Variants in GRM8 observed in about 807,000 individuals in gnomAD.
The protein encoded by GRM8 is metabotropic glutamate receptor 8.
A neutral mutation model predicts 87.2 loss-of-function variants in GRM8; 47 were observed. That is an observed-to-expected ratio of 0.54 (90% CI 0.43 to 0.69). The LOEUF (loss-of-function observed/expected upper bound fraction) is 0.69, where lower values mean the gene tolerates loss of function less well. Ranked by LOEUF, GRM8 falls within the 30% of genes least tolerant of loss-of-function variation. The pLI is 0.00. For synonymous variants in GRM8, 396 were observed against 404.5 expected, an observed-to-expected ratio of 0.98 and a Z score of 0.25; for missense variants, 1,019 against 1,139.2, an observed-to-expected ratio of 0.89 and a Z score of 1.52.
At chr7:126,466,365 T>C (rs1225074469) in intron 9 of GRM8, among the ~76,000 whole-genome samples, 1 of 151,968 alleles carries the variant, frequency 6.6e-6, no homozygotes, top group Non-Finnish European at 1.5e-5. Flanking sequence ...CTGTTGATAT[T>C]CTAGGAATAT....
chr7:127,191,198 C>T (rs1563568911), intron 2 of GRM8, among the ~76,000 whole-genome samples: 1 of 152,170 alleles, frequency 6.6e-6, no homozygotes, highest in Non-Finnish European at 1.5e-5. Flanking sequence ...AACTCCTTTA[C>T]ATCAGGGCCA....
chr7:126,846,041 A>T (rs1397745628), intron 6 of GRM8, among the ~76,000 whole-genome samples: 1 of 151,982 alleles, frequency 6.6e-6, no homozygotes, highest in Admixed American at 6.6e-5. Flanking sequence ...TAAAATATAT[A>T]TAATAGTATA....
At chr7:127,129,637 G>A (rs1827564843) in intron 2 of GRM8, among the ~76,000 whole-genome samples, 1 of 152,084 alleles carries the variant, frequency 6.6e-6, no homozygotes, top group African/African-American at 2.4e-5. Flanking sequence ...TTAATTCCCA[G>A]ACCATGGAAA....
At chr7:126,774,631 T>C (rs1397782294) in intron 6 of GRM8, among the ~76,000 whole-genome samples, 1 of 152,136 alleles carries the variant, frequency 6.6e-6, no homozygotes, top group African/African-American at 2.4e-5. Flanking sequence ...TGGAAAATAA[T>C]AAATTCTTAC....
At chr7:127,102,844 G>A (rs1163621838) in intron 3 of GRM8, among the ~76,000 whole-genome samples, 1 of 152,164 alleles carries the variant, frequency 6.6e-6, no homozygotes, top group Non-Finnish European at 1.5e-5. Context: ...AAATGGAGCT[G>A]TTAGAAAGAG....
At chr7:127,097,503 CA>C (rs941447862) in intron 3 of GRM8, among the ~76,000 whole-genome samples, 16 of 152,118 alleles carry the variant, frequency 1.1e-4, no homozygotes, top group African/African-American at 3.6e-4. Flanking sequence ...ACAAATCAAG[CA>C]AAAACCCTCT....
intron 2 of GRM8, among the ~76,000 whole-genome samples, chr7:127,153,056 AT>A (rs1459920811): frequency 3.3e-5 from 5 of 152,164 alleles, no homozygotes; most frequent in Admixed American, 6.6e-5. Context: ...TCACAAGACC[AT>A]AACCCAATTA....
intron 2 of GRM8, among the ~76,000 whole-genome samples, chr7:127,158,023 A>G (rs192405340): frequency 7.2e-5 from 11 of 152,298 alleles, no homozygotes; most frequent in Non-Finnish European, 1.6e-4. Context: ...AGTACCTAAG[A>G]TCTAATTAAA....
chr7:127,092,273 C>A (rs189520802), intron 3 of GRM8, among the ~76,000 whole-genome samples: 1 of 152,052 alleles, frequency 6.6e-6, no homozygotes, highest in Admixed American at 6.6e-5. Flanking sequence ...TGAATAAAAT[C>A]CCTCCTTATC....
At chr7:126,552,803 T>C (rs1451123566) in intron 8 of GRM8, among the ~76,000 whole-genome samples, 1 of 152,142 alleles carries the variant, frequency 6.6e-6, no homozygotes, top group Non-Finnish European at 1.5e-5. Flanking sequence ...TCATTCTACA[T>C]AACTTGAAAG....
chr7:126,672,195 G>C (rs1806455116), intron 7 of GRM8, among the ~76,000 whole-genome samples: 1 of 152,222 alleles, frequency 6.6e-6, no homozygotes, highest in African/African-American at 2.4e-5. Flanking sequence ...GTGAGAGTGG[G>C]TAATTCCTAT....
rs1045574543 is a variant in GRM8 at position 126,999,863 on chromosome 7, G to A, written c.728-95180C>T. On this transcript the variant is annotated intron_variant, in intron 3 of 10. Transcript: ENST00000339582. ...AAAACTGAAAATAGAGTGACTATGCGATCTAGAAATCCCACCCCTGGGTAT... is the reference window on the plus strand; with the variant it reads ...AAAACTGAAAATAGAGTGACTATGCAATCTAGAAATCCCACCCCTGGGTAT... Among the ~76,000 whole-genome samples the A allele has an allele frequency of 4.0e-5, 6 of 151,746 alleles. No individual in the cohort carries two copies. The East Asian group carries it at 5.8e-4, about 15-fold the overall frequency.
intron 6 of GRM8, among the ~76,000 whole-genome samples, chr7:126,831,414 C>A (rs1200639227): frequency 1.3e-5 from 2 of 152,200 alleles, no homozygotes; most frequent in Non-Finnish European, 2.9e-5. Flanking sequence ...ATGGCGGGCG[C>A]CCCTCCCCCA....
chr7:126,580,207 C>G (rs530339485), intron 8 of GRM8, among the ~76,000 whole-genome samples: 9 of 152,254 alleles, frequency 5.9e-5, no homozygotes, highest in Admixed American at 3.3e-4. Context: ...AGAGTAGTGA[C>G]TGATAATAGT....
intron 7 of GRM8, among the ~76,000 whole-genome samples, chr7:126,687,016 T>C (rs570545790): frequency 6.6e-6 from 1 of 152,332 alleles, no homozygotes; most frequent in East Asian, 1.9e-4. Flanking sequence ...GCTTTTAAAA[T>C]ATAAAATACA....
At chr7:126,989,471 C>G (rs1812420689) in intron 3 of GRM8, among the ~76,000 whole-genome samples, 1 of 152,320 alleles carries the variant, frequency 6.6e-6, no homozygotes, top group Non-Finnish European at 1.5e-5. Flanking sequence ...ATCTGCACCT[C>G]TAATCACAGT....
At chr7:126,653,653 T>C (rs368269682) in intron 7 of GRM8, among the ~76,000 whole-genome samples, 1 of 152,188 alleles carries the variant, frequency 6.6e-6, no homozygotes, top group African/African-American at 2.4e-5. Context: ...TTCTGTTACA[T>C]ATGGAAACTT....
chr7:126,574,078 T>C (rs982951309), intron 8 of GRM8, among the ~76,000 whole-genome samples: 1 of 152,140 alleles, frequency 6.6e-6, no homozygotes, highest in Non-Finnish European at 1.5e-5. Context: ...TCTTCTAAAA[T>C]AAAAACTTCA....
intron 3 of GRM8, among the ~76,000 whole-genome samples, chr7:127,009,963 C>T (rs1452673885): frequency 6.6e-6 from 1 of 152,064 alleles, no homozygotes; most frequent in Non-Finnish European, 1.5e-5. Context: ...CTGCCTCAGC[C>T]TCCCAAGTAG....
Sources: gnomAD v4.1 joint callset for allele counts (sites outside exome capture counted in the v4.1 genomes callset) on GRCh38, gnomAD v4.1.1 for gene constraint, MANE v1.5 for transcripts, NCBI Gene and HGNC (gene_info 2026-07-23, HGNC 2026-07-21) for gene names.